FOXP2: variants seen among roughly 807,000 people sequenced by gnomAD.
The protein encoded by FOXP2 is forkhead box P2, also known as forkhead box protein P2.
In FOXP2, 12 loss-of-function variants were observed where a neutral mutation model predicts 115.8. The ratio of observed to expected loss-of-function variants is 0.10; its 90% CI spans 0.07 to 0.17. The LOEUF is 0.17. Ranked by LOEUF, FOXP2 falls within the 10% of genes least tolerant of loss-of-function variation. The pLI, the probability that FOXP2 is intolerant of heterozygous loss-of-function variation, is 1.00. For missense variants in FOXP2, 629 were observed against 843.5 expected, an observed-to-expected ratio of 0.75 and a Z score of 3.15; for synonymous variants, 328 against 297.7, an observed-to-expected ratio of 1.10 and a Z score of -1.05.
intron 1 of FOXP2, among the ~76,000 whole-genome samples, chr7:114,175,064 G>A (rs1389431642): frequency 6.6e-6 from 1 of 152,048 alleles, no homozygotes. Context: ...ATGCTTAAAT[G>A]AGGGATAAAA....
intron 2 of FOXP2, among the ~76,000 whole-genome samples, chr7:114,480,740 TGTATGTATGTATACGTATATATATA>T (rs1437806287): frequency 6.6e-6 from 1 of 150,640 alleles, no homozygotes; most frequent in East Asian, 1.9e-4. Context: ...CGTATATATG[TGTATGTATGTATACGTATATATATA>T]CGTATACATA....
chr7:114,135,447 C>A (rs746333299), intron 1 of FOXP2, among the ~76,000 whole-genome samples: 2 of 151,968 alleles, frequency 1.3e-5, no homozygotes, highest in Non-Finnish European at 2.9e-5. Context: ...GGATTTCTTT[C>A]CTTTGTTATG....
chr7:114,449,680 A>G (rs1432064120), intron 2 of FOXP2, among the ~76,000 whole-genome samples: 1 of 152,134 alleles, frequency 6.6e-6, no homozygotes, highest in Non-Finnish European at 1.5e-5. Flanking sequence ...CTACTTTGCC[A>G]ATGATATAAG....
At chr7:114,565,175 CA>C (rs989770759) in intron 3 of FOXP2, among the ~76,000 whole-genome samples, 26 of 142,324 alleles carry the variant, frequency 1.8e-4, no homozygotes, top group Non-Finnish European at 2.5e-4. Context: ...AAAAGAAAAA[CA>C]AAAAAAAAAT....
rs112929628 is a variant in FOXP2 at position 114,494,897 on chromosome 7, GT to G, written c.169-39716del. ...CTGCCATTTAACAAAGGCCATATCA[GT>G]TTTGTTTTACTTTAGTTTTCATTGC... On this transcript the variant is annotated intron_variant, in intron 2 of 16. Transcript: ENST00000350908. Among the ~76,000 whole-genome samples the G allele has an allele frequency of 1.7e-3, 253 of 152,218 alleles. 2 individuals are homozygous for G. The highest frequency in any genetic ancestry group is 5.8e-3 in the African/African-American group (239 of 41,542).
intron 2 of FOXP2, among the ~76,000 whole-genome samples, chr7:114,354,099 CG>C (rs1249305516): frequency 6.6e-6 from 1 of 152,016 alleles, no homozygotes; most frequent in Non-Finnish European, 1.5e-5. Flanking sequence ...CTTTGATTGC[CG>C]GAATAAAATA....
chr7:114,244,865 C>T (rs1795239493), intron 1 of FOXP2, among the ~76,000 whole-genome samples: 1 of 151,902 alleles, frequency 6.6e-6, no homozygotes, highest in African/African-American at 2.4e-5. Context: ...GGGTTCACGC[C>T]ATTCTCCTGC....
chr7:114,397,098 T>C (rs533714257), intron 2 of FOXP2, among the ~76,000 whole-genome samples: 3 of 152,078 alleles, frequency 2.0e-5, no homozygotes, highest in Non-Finnish European at 4.4e-5. Flanking sequence ...GGAAAGAAGA[T>C]AAAATAAATG....
At chr7:114,132,361 A>G (rs972580378) in intron 1 of FOXP2, among the ~76,000 whole-genome samples, 2 of 152,076 alleles carry the variant, frequency 1.3e-5, no homozygotes, top group African/African-American at 4.8e-5. Flanking sequence ...TCTTTCATTC[A>G]TGTGTTTCTT....
At chr7:114,316,312 A>T (rs1797274103) in intron 2 of FOXP2, among the ~76,000 whole-genome samples, 1 of 152,234 alleles carries the variant, frequency 6.6e-6, no homozygotes. Flanking sequence ...TTATCAAAAT[A>T]TACATTACTC....
At chr7:114,358,304 T>G (rs554232930) in intron 2 of FOXP2, among the ~76,000 whole-genome samples, 25 of 152,218 alleles carry the variant, frequency 1.6e-4, no homozygotes, top group Non-Finnish European at 3.5e-4. Flanking sequence ...TAAACCTGTT[T>G]GTCTTTATAG....
At chr7:114,618,979 A>G (rs1003039525) in intron 3 of FOXP2, among the ~76,000 whole-genome samples, 1 of 152,156 alleles carries the variant, frequency 6.6e-6, no homozygotes, top group South Asian at 2.1e-4. Context: ...ACTGAGTGAC[A>G]TGGATATACT....
At chr7:114,353,334 C>CTTTTTTT (rs138925770) in intron 2 of FOXP2, among the ~76,000 whole-genome samples, 2 of 64,124 alleles carry the variant, frequency 3.1e-5, no homozygotes, top group Non-Finnish European at 5.6e-5. Flanking sequence ...ATAGGAGCCT[C>CTTTTTTT]TTTTTTTTTT....
intron 1 of FOXP2, among the ~76,000 whole-genome samples, chr7:114,252,613 G>T (rs981679191): frequency 6.6e-6 from 1 of 152,136 alleles, no homozygotes; most frequent in East Asian, 1.9e-4. Flanking sequence ...ATGTTAGTTT[G>T]TATTTCTGTG....
chr7:114,601,668 A>T (rs1803034045), intron 3 of FOXP2, among the ~76,000 whole-genome samples: 1 of 152,066 alleles, frequency 6.6e-6, no homozygotes, highest in Non-Finnish European at 1.5e-5. Context: ...CTACAACTTG[A>T]TATATTGTAG....
chr7:114,144,233 G>C (rs188671133), intron 1 of FOXP2, among the ~76,000 whole-genome samples: 8 of 152,096 alleles, frequency 5.3e-5, no homozygotes, highest in Non-Finnish European at 1.0e-4. Context: ...TGTAGGTCAA[G>C]GAGTATCTGT....
chr7:114,241,030 T>G (rs952742880), intron 1 of FOXP2, among the ~76,000 whole-genome samples: 2 of 152,060 alleles, frequency 1.3e-5, no homozygotes, highest in African/African-American at 4.8e-5. Context: ...CCATAAGATT[T>G]TATTATTTTG....
At position 114,535,443 on chromosome 7, in the gene FOXP2, T is replaced by C. The variant is rs138664588; in HGVS notation, c.258+737T>C. Among the ~76,000 whole-genome samples the C allele has an allele frequency of 4.7e-3, 718 of 151,750 alleles. 26 individuals carry two copies. The highest frequency in any genetic ancestry group is 1.2e-3 in the Non-Finnish European group (83 of 67,716). On this transcript the variant is annotated intron_variant, in intron 3 of 16. Transcript: ENST00000350908. ...AGTGTTCACCAGCTCTGTTGAAAGA[T>C]AAGTAATGCTTTTTCCTGAATCATG...
Position 114,580,383 on chromosome 7 carries a change from G to A in FOXP2, c.258+45677G>A, listed in dbSNP as rs1000047554. ...ACCTGAGGTCAGGAGTTCGAGACCA[G>A]CCTGACCAACATGGTGAAACCCCAT... is the stretch of plus-strand genomic sequence containing the variant. On this transcript the variant is annotated intron_variant, in intron 3 of 16. Transcript: ENST00000350908. Among the ~76,000 whole-genome samples the A allele has an allele frequency of 3.3e-5, 5 of 152,134 alleles. No individual in the cohort carries two copies. The South Asian group carries it at 6.2e-4, about 19-fold the overall frequency.
Sources: gnomAD v4.1 joint callset for allele counts (sites outside exome capture counted in the v4.1 genomes callset) on GRCh38, gnomAD v4.1.1 for gene constraint, MANE v1.5 for transcripts, NCBI Gene and HGNC (gene_info 2026-07-23, HGNC 2026-07-21) for gene names.